PRRC2C: variants seen among roughly 807,000 people sequenced by gnomAD.
PRRC2C encodes protein PRRC2C.
In PRRC2C, 72 loss-of-function variants were observed where a neutral mutation model predicts 317.2. The ratio of observed to expected loss-of-function variants is 0.23; its 90% CI spans 0.19 to 0.28. The LOEUF is 0.28. Ranked by LOEUF, PRRC2C falls within the 10% of genes least tolerant of loss-of-function variation. PRRC2C has a pLI of 1.00. For missense variants in PRRC2C, 3,074 were observed against 3,459.7 expected, an observed-to-expected ratio of 0.89 and a Z score of 2.80; for synonymous variants, 1,296 against 1,205.9, an observed-to-expected ratio of 1.07 and a Z score of -1.55.
intron 1 of PRRC2C, 47 bp from the exon 2 acceptor site, chr1:171,511,985 T>A (rs1224055834): frequency 1.8e-6 from 1 of 561,654 alleles, no homozygotes; most frequent in Non-Finnish European, 3.1e-6. Flanking sequence ...ACATTTGAAT[T>A]TACTGAGTTT....
intron 12 of PRRC2C, among the ~76,000 whole-genome samples, chr1:171,534,470 T>C (rs549616973): frequency 6.6e-5 from 10 of 152,350 alleles, no homozygotes; most frequent in African/African-American, 9.6e-5. Context: ...ATGTGATTTT[T>C]TTTTCCCCCC....
chr1:171,566,128 A>G, intron 20 of PRRC2C, 105 bp from the exon 21 acceptor site: 2 of 853,644 alleles, frequency 2.3e-6, no homozygotes, highest in East Asian at 2.7e-5. Flanking sequence ...GTTAATATGT[A>G]GATTGTCTTA....
In PRRC2C at chr1:171,563,577, T is replaced by C. The variant is rs1016943728; in HGVS notation, c.6117+2474T>C. On this transcript the variant is annotated intron_variant, in intron 20 of 34. Coordinates refer to ENST00000647382, the MANE Select transcript of PRRC2C (RefSeq NM_001387844.1). Reference sequence around the variant, plus strand: ...AAAAAATGGGGCAGTAAAGAAGATATAGTTGAGATTTTAATTTTTGTATAG... The same window carrying C: ...AAAAAATGGGGCAGTAAAGAAGATACAGTTGAGATTTTAATTTTTGTATAG... Among the ~76,000 whole-genome samples, 9 of 152,236 alleles carry C rather than the reference T, an allele frequency of 5.9e-5. No homozygotes were observed. The East Asian group carries it at 1.7e-3, about 29-fold the overall frequency.
At chr1:171,503,996 C>T (rs1296532486) in intron 1 of PRRC2C, among the ~76,000 whole-genome samples, 1 of 152,154 alleles carries the variant, frequency 6.6e-6, no homozygotes. Context: ...CCACCGAGTC[C>T]CTCCCATGAC....
At position 171,583,981 on chromosome 1, in the gene PRRC2C, A is replaced by G. The variant is rs777100835; in HGVS notation, c.7435A>G (p.Ser2479Gly). The change falls in exon 29 of 35, where the codon AGT becomes GGT. Residue 2479 changes from serine to glycine, a missense_variant. Coordinates refer to ENST00000647382, the MANE Select transcript of PRRC2C (RefSeq NM_001387844.1). ...ATCTCAGCCAGCTTTTATGCAAAGC[A>G]GTTTATCCCAGCCATCTGTGGTCCT... ...YRSQPAFMQS[S>G]LSQPSVVLSG... The G allele has an allele frequency of 2.2e-5, 35 of 1,613,508 alleles. No homozygotes were observed. The highest frequency in any genetic ancestry group is 3.0e-5 in the Non-Finnish European group (35 of 1,179,750).
chr1:171,581,637 A>G (rs1368031896), intron 28 of PRRC2C, among the ~76,000 whole-genome samples: 1 of 152,206 alleles, frequency 6.6e-6, no homozygotes, highest in African/African-American at 2.4e-5. Context: ...TAACCTAATC[A>G]GCATAGTGTT....
At chr1:171,533,966 A>C (rs1676341937) in intron 12 of PRRC2C, among the ~76,000 whole-genome samples, 1 of 152,166 alleles carries the variant, frequency 6.6e-6, no homozygotes, top group African/African-American at 2.4e-5. Context: ...ATAGAAATGC[A>C]GTTTTATTTC....
At chr1:171,510,570 C>T (rs532902262) in intron 1 of PRRC2C, 1 of 152,244 alleles carries the variant, frequency 6.6e-6, no homozygotes, top group South Asian at 2.1e-4. Flanking sequence ...GTAGTACATT[C>T]TCTTTTCACA....
chr1:171,527,155 C>T (rs1287814030), intron 10 of PRRC2C, among the ~76,000 whole-genome samples: 2 of 148,882 alleles, frequency 1.3e-5, no homozygotes, highest in African/African-American at 4.9e-5. Context: ...TTTTTTGAGA[C>T]AGAGTCTTGC....
intron 27 of PRRC2C, 109 bp downstream of exon 27, chr1:171,579,575 G>T (rs751776317): frequency 7.0e-7 from 1 of 1,431,318 alleles, no homozygotes. Context: ...AGCTACCCAC[G>T]ATTAGCTTGA....
rs1651712182 is a variant in PRRC2C at position 171,593,013 on chromosome 1, T to A, written c.*1166T>A. On this transcript the variant is annotated 3_prime_UTR_variant, in exon 35 of 35. Transcript: ENST00000647382. The stretch of plus-strand genomic sequence containing the variant: ...TTATCAGAGCTGTTTTTAATGATGT[T>A]ATTCTAGAATGTTTTCTTTCCAGAT... 6.6e-6 allele frequency: 1 copy of A among 152,092 alleles called. No homozygotes were observed. Among genetic ancestry groups the A allele is most frequent in the Non-Finnish European group, 1.5e-5 (1 of 68,004 alleles). The allele number at this position is 152,092 out of a possible 1,614,324, so 9.4% of individuals were successfully genotyped here.
chr1:171,577,551 G>T lies in PRRC2C; in HGVS notation c.7073G>T (p.Ser2358Ile). ...QLQTSSLPSASHFSQLSCMPS... is the reference protein window; with the variant it reads ...QLQTSSLPSAIHFSQLSCMPS... The stretch of plus-strand genomic sequence containing the variant: ...CAGACAAGCAGCCTGCCTTCTGCAA[G>T]TCATTTTTCACAGTTAAGCTGTATG... Residue 2358 changes from serine (S) to isoleucine (I), a missense_variant, in exon 26 of 35, where the codon AGT becomes ATT. Physicochemically the swap from Ser to Ile is moderately radical, Grantham distance 142. Transcript: ENST00000647382. The T allele has an allele frequency of 6.2e-7, 1 of 1,613,742 alleles. No individual in the cohort carries two copies.
At chr1:171,535,318 G>A in intron 12 of PRRC2C, 110 bp from the exon 13 acceptor site, 1 of 899,052 alleles carries the variant, frequency 1.1e-6, no homozygotes. Context: ...AGAGTGTCGA[G>A]GATATTTTCT....
At chr1:171,584,619 C>T in intron 30 of PRRC2C, 93 bp downstream of exon 30, 2 of 1,372,752 alleles carry the variant, frequency 1.5e-6, no homozygotes, top group Non-Finnish European at 2.0e-6. Context: ...AACCAAGATG[C>T]AAGATGGAGG....
Position 171,592,181 on chromosome 1 carries a change from A to T in PRRC2C, c.*334A>T. 4.7e-6 allele frequency: 1 copy of T among 211,650 alleles called. No individual in the cohort carries two copies. The highest frequency in any genetic ancestry group is 9.4e-6 in the Non-Finnish European group (1 of 106,174). The allele number at this position is 211,650 out of a possible 1,614,324, so 13.1% of individuals were successfully genotyped here. A position where few individuals can be genotyped will look rare whatever the true frequency, so the allele number is the denominator to read the frequency against. On this transcript the variant is annotated 3_prime_UTR_variant, in exon 35 of 35. Transcript: ENST00000647382. ...CCTTATGATTAGATGAAACACCAAA[A>T]ATATAAGGAAAATAACACAGCAGAG... is the stretch of plus-strand genomic sequence containing the variant.
At chr1:171,507,160 C>T (rs74635846) in intron 1 of PRRC2C, among the ~76,000 whole-genome samples, 3,762 of 152,138 alleles carry the variant, frequency 0.025, 66 homozygotes, top group East Asian at 0.079. Flanking sequence ...TGGGAAGAAC[C>T]GAGGTGGGAG....
chr1:171,535,441 T>C lies in PRRC2C; in HGVS notation c.1887T>C (p.Val629=), dbSNP rs1349802884. Residue 629 remains valine, a synonymous_variant, in exon 13 of 35, where the codon GTT becomes GTC. Coordinates refer to ENST00000647382, the MANE Select transcript of PRRC2C (RefSeq NM_001387844.1). ...ENSCNKEEEP[V]FTRQDSNRSE... ...TTCTTTGAGCAGAGGAGGAACCCGT[T>C]TTCACTAGACAAGACAGCAATCGCA... The C allele has an allele frequency of 1.2e-6, 2 of 1,613,018 alleles. No individual in the cohort carries two copies. The highest frequency in any genetic ancestry group is 1.7e-4 in the Middle Eastern group (1 of 6,058).
At chr1:171,523,188 T>C in intron 7 of PRRC2C, 33 bp from the exon 8 acceptor site, 2 of 1,565,550 alleles carry the variant, frequency 1.3e-6, no homozygotes, top group Non-Finnish European at 1.7e-6. Context: ...ATCATAAACT[T>C]TTGTATCTTT....
At chr1:171,503,808 G>A (rs1017305965) in intron 1 of PRRC2C, among the ~76,000 whole-genome samples, 1 of 152,144 alleles carries the variant, frequency 6.6e-6, no homozygotes, top group African/African-American at 2.4e-5. Flanking sequence ...GGCTGGGGAG[G>A]CCTCACAATC....
Sources: gnomAD v4.1 joint callset for allele counts (sites outside exome capture counted in the v4.1 genomes callset) on GRCh38, gnomAD v4.1.1 for gene constraint, MANE v1.5 for transcripts, NCBI Gene and HGNC (gene_info 2026-07-23, HGNC 2026-07-21) for gene names.